The following PTPRD variants were observed in gnomAD, a reference collection of about 807,000 sequenced individuals.
The protein encoded by PTPRD is receptor-type tyrosine-protein phosphatase delta.
PTPRD carries 34 observed loss-of-function variants against 214.5 expected under a neutral mutation model. The ratio of observed to expected loss-of-function variants is 0.16; its 90% CI spans 0.12 to 0.21. The LOEUF (loss-of-function observed/expected upper bound fraction) is 0.21. Ranked by LOEUF, PTPRD falls within the 10% of genes least tolerant of loss-of-function variation. The pLI is 1.00. For synonymous variants in PTPRD, 1,128 were observed against 845.7 expected (o/e 1.33, Z -5.79); for missense variants, 2,545 against 2,398.7 (o/e 1.06, Z -1.27).
chr9:9,472,354 C>G (rs1205429403), intron 8 of PTPRD, among the ~76,000 whole-genome samples: 1 of 151,710 alleles, frequency 6.6e-6, no homozygotes, highest in East Asian at 1.9e-4. Flanking sequence ...CAGGCGCCCG[C>G]CACCGCGCCC....
intron 6 of PTPRD, among the ~76,000 whole-genome samples, chr9:9,765,785 T>C (rs2098701920): frequency 6.6e-6 from 1 of 152,086 alleles, no homozygotes; most frequent in Admixed American, 6.5e-5. Context: ...CACTGCCTCC[T>C]GAGTAGCTGG....
chr9:8,649,384 G>C (rs1473939281), intron 12 of PTPRD, among the ~76,000 whole-genome samples: 1 of 152,276 alleles, frequency 6.6e-6, no homozygotes, highest in East Asian at 1.9e-4. Context: ...TTTTAAGATA[G>C]ATCCATCTTA....
At chr9:10,047,337 T>TGTGTGTGTGTGTGTGTGTGTGC (rs1491445418) in intron 3 of PTPRD, among the ~76,000 whole-genome samples, 25 of 144,278 alleles carry the variant, frequency 1.7e-4, no homozygotes, top group East Asian at 8.2e-4. Context: ...TGTGTGTGTG[T>TGTGTGTGTGTGTGTGTGTGTGC]GCGTGTGTGT....
chr9:10,095,053 T>A (rs527411324), intron 3 of PTPRD, among the ~76,000 whole-genome samples: 155 of 151,426 alleles, frequency 1.0e-3, no homozygotes, highest in South Asian at 2.5e-3. Flanking sequence ...AGAATTTTTT[T>A]AAAAAATAGA....
chr9:9,343,001 T>C (rs945881194), intron 9 of PTPRD, among the ~76,000 whole-genome samples: 12 of 152,276 alleles, frequency 7.9e-5, no homozygotes, highest in African/African-American at 2.9e-4. Context: ...TCTGTTCCTG[T>C]GTTAGTTTGC....
At chr9:9,333,527 A>ATATATATATATATATATATATATATATAT (rs1569567453) in intron 9 of PTPRD, among the ~76,000 whole-genome samples, 4 of 124,108 alleles carry the variant, frequency 3.2e-5, no homozygotes, top group African/African-American at 1.9e-4. Flanking sequence ...TATATATATA[A>ATATATATATATATATATATATATATATAT]AGTCTGCAAT....
chr9:9,012,537 C>G (rs1192742879), intron 11 of PTPRD, among the ~76,000 whole-genome samples: 1 of 152,096 alleles, frequency 6.6e-6, no homozygotes, highest in Non-Finnish European at 1.5e-5. Flanking sequence ...GTATAAGTGT[C>G]TAAAAATATC....
At chr9:10,610,203 T>C (rs548958887) in intron 2 of PTPRD, among the ~76,000 whole-genome samples, 1 of 152,306 alleles carries the variant, frequency 6.6e-6, no homozygotes, top group Admixed American at 6.5e-5. Flanking sequence ...TTTGCCATTT[T>C]TATCTGTTAT....
At position 8,596,374 on chromosome 9, in the gene PTPRD, TG is replaced by T. The variant is rs371442018; in HGVS notation, c.352+36942del. On this transcript the variant is annotated intron_variant, in intron 14 of 45. Transcript: ENST00000381196. ...TACAATAATTACTTTTAAAGCACTC[TG>T]GGGAAGATCTGAAAAAAATAAAAAA... 2.9e-4 allele frequency among the ~76,000 whole-genome samples: 44 copies of T among 152,008 alleles called. No homozygotes were observed. The East Asian group carries it at 7.7e-3, about 27-fold the overall frequency.
At chr9:8,452,307 C>T (rs180818831) in intron 33 of PTPRD, among the ~76,000 whole-genome samples, 2 of 152,286 alleles carry the variant, frequency 1.3e-5, no homozygotes, top group East Asian at 1.9e-4. Flanking sequence ...TATTTTTAAA[C>T]ACTTATTATG....
chr9:10,195,292 T>C (rs73398309), intron 3 of PTPRD, among the ~76,000 whole-genome samples: 1,545 of 152,202 alleles, frequency 0.01, 20 homozygotes, highest in African/African-American at 0.035. Context: ...AAGGTAATGA[T>C]TGAGCCTACA....
rs193280373 is a variant in PTPRD, at chr9:9,024,105, C to T, written c.-142-5370G>A. On this transcript the variant is annotated intron_variant, in intron 10 of 45. Coordinates refer to ENST00000381196, the MANE Select transcript of PTPRD (RefSeq NM_002839.4). ...ATCCTACCACTGAGAGACAGCTGCTCTTGACTTTTGGGTATACAGCTACCC... is the reference window on the plus strand; with the variant it reads ...ATCCTACCACTGAGAGACAGCTGCTTTTGACTTTTGGGTATACAGCTACCC... Among the ~76,000 whole-genome samples the T allele has an allele frequency of 9.8e-4, 149 of 151,810 alleles. 1 individual carries two copies. The highest frequency in any genetic ancestry group is 3.5e-3 in the African/African-American group (145 of 41,464).
intron 11 of PTPRD, among the ~76,000 whole-genome samples, chr9:8,779,350 T>C (rs1459046398): frequency 1.3e-5 from 2 of 152,104 alleles, no homozygotes; most frequent in African/African-American, 4.8e-5. Context: ...CCTTTAGAGA[T>C]GAAAACATCT....
intron 14 of PTPRD, among the ~76,000 whole-genome samples, chr9:8,580,879 A>C (rs545972220): frequency 5.3e-5 from 8 of 152,364 alleles, no homozygotes; most frequent in African/African-American, 1.7e-4. Flanking sequence ...GGAAGTAGGA[A>C]GCCAAACAGT....
chr9:10,004,266 A>G (rs1346977906), intron 4 of PTPRD, among the ~76,000 whole-genome samples: 1 of 151,992 alleles, frequency 6.6e-6, no homozygotes, highest in Admixed American at 6.6e-5. Context: ...TGGAGAATAA[A>G]AGCAATCATT....
At chr9:10,380,793 T>C (rs2097804355) in intron 2 of PTPRD, among the ~76,000 whole-genome samples, 1 of 151,802 alleles carries the variant, frequency 6.6e-6, no homozygotes, top group Non-Finnish European at 1.5e-5. Flanking sequence ...ACAATTTCCA[T>C]TTTTTTCCTA....
chr9:9,075,763 G>C (rs1178330322), intron 10 of PTPRD, among the ~76,000 whole-genome samples: 1 of 152,130 alleles, frequency 6.6e-6, no homozygotes, highest in East Asian at 1.9e-4. Context: ...TGGCTGCATA[G>C]TATTCCATGA....
intron 30 of PTPRD, among the ~76,000 whole-genome samples, chr9:8,480,305 C>T (rs1340609622): frequency 6.6e-6 from 1 of 152,136 alleles, no homozygotes; most frequent in East Asian, 1.9e-4. Context: ...CAGCTAACTT[C>T]CTGTCACTTT....
At chr9:9,590,424 G>C (rs1207366438) in intron 7 of PTPRD, among the ~76,000 whole-genome samples, 1 of 151,960 alleles carries the variant, frequency 6.6e-6, no homozygotes, top group African/African-American at 2.4e-5. Context: ...TAGAAACACT[G>C]CTTACACTAT....
Sources: gnomAD v4.1 joint callset for allele counts (sites outside exome capture counted in the v4.1 genomes callset) on GRCh38, gnomAD v4.1.1 for gene constraint, MANE v1.5 for transcripts, NCBI Gene and HGNC (gene_info 2026-07-23, HGNC 2026-07-21) for gene names.